The following ADAM22 variants were observed in gnomAD, a reference collection of about 807,000 sequenced individuals.
The protein encoded by ADAM22 is ADAM metallopeptidase domain 22, also known as disintegrin and metalloproteinase domain-containing protein 22.
ADAM22 carries 65 observed loss-of-function variants against 144.6 expected under a neutral mutation model. That is an observed-to-expected ratio of 0.45 (90% CI 0.37 to 0.55). The LOEUF (loss-of-function observed/expected upper bound fraction) is 0.55, where lower values mean the gene tolerates loss of function less well. Among genes scored for constraint, ADAM22 ranks in the 20% least tolerant of loss-of-function variants. The probability of loss-of-function intolerance (pLI) is 0.00; values close to 1 mark genes in which losing one functional copy is unlikely to be tolerated. For synonymous variants in ADAM22, 391 were observed against 412.6 expected, an observed-to-expected ratio of 0.95 and a Z score of 0.63; for missense variants, 974 against 1,184.9, an observed-to-expected ratio of 0.82 and a Z score of 2.61.
chr7:88,148,065 A>G (rs1837081901), intron 17 of ADAM22, among the ~76,000 whole-genome samples: 1 of 152,148 alleles, frequency 6.6e-6, no homozygotes, highest in Non-Finnish European at 1.5e-5. Flanking sequence ...TGAAATCCAG[A>G]TTGGAGTTTA....
intron 8 of ADAM22, among the ~76,000 whole-genome samples, chr7:88,127,234 A>G (rs1248260048): frequency 6.6e-6 from 1 of 151,976 alleles, no homozygotes; most frequent in African/African-American, 2.4e-5. Flanking sequence ...TTCTTTTGAC[A>G]TGTACCCTGA....
chr7:87,953,343 G>C (rs4728715), intron 2 of ADAM22, among the ~76,000 whole-genome samples: 83,508 of 151,564 alleles, frequency 0.55, 23,406 homozygotes, highest in African/African-American at 0.61. Context: ...TATGTTGGGT[G>C]TTTGTTCTCG....
chr7:88,055,517 G>A (rs924024867), intron 3 of ADAM22, among the ~76,000 whole-genome samples: 1 of 152,026 alleles, frequency 6.6e-6, no homozygotes, highest in Non-Finnish European at 1.5e-5. Flanking sequence ...GAACGATCTC[G>A]GTCTGTAGAG....
chr7:88,118,383 T>C (rs1053952573), intron 7 of ADAM22, among the ~76,000 whole-genome samples: 2 of 152,170 alleles, frequency 1.3e-5, no homozygotes, highest in Non-Finnish European at 2.9e-5. Context: ...GAATTTACTA[T>C]TTTGAAAAAT....
At chr7:88,105,049 ATTAT>A (rs1823989846) in intron 4 of ADAM22, among the ~76,000 whole-genome samples, 3 of 152,118 alleles carry the variant, frequency 2.0e-5, no homozygotes, top group Non-Finnish European at 4.4e-5. Context: ...TAAAAAATGA[ATTAT>A]TTGTCCTTTT....
intron 5 of ADAM22, 76 bp from the exon 6 acceptor site, chr7:88,114,508 G>A: frequency 7.0e-7 from 1 of 1,421,728 alleles, no homozygotes; most frequent in Non-Finnish European, 9.9e-7. Flanking sequence ...CCCTCTGGCT[G>A]CTGCTGATTT....
At chr7:88,066,577 A>G (rs1811305488) in intron 3 of ADAM22, among the ~76,000 whole-genome samples, 1 of 152,184 alleles carries the variant, frequency 6.6e-6, no homozygotes, top group South Asian at 2.1e-4. Flanking sequence ...ACATCAGCAT[A>G]TAATTGAGTA....
At chr7:87,981,867 G>A (rs1217260203) in intron 3 of ADAM22, among the ~76,000 whole-genome samples, 1 of 97,360 alleles carries the variant, frequency 1.0e-5, no homozygotes, top group Non-Finnish European at 2.1e-5. Flanking sequence ...ATGATGTTAT[G>A]TGATAATAAT....
At chr7:88,131,196 T>G in intron 10 of ADAM22, 73 bp from the exon 11 acceptor site, 1 of 1,322,336 alleles carries the variant, frequency 7.6e-7, no homozygotes, top group Non-Finnish European at 1.0e-6. Flanking sequence ...GAAAGGAGTT[T>G]TGTAGTCCTG....
intron 26 of ADAM22, among the ~76,000 whole-genome samples, chr7:88,173,189 G>A (rs1844773856): frequency 6.6e-6 from 1 of 151,958 alleles, no homozygotes. Flanking sequence ...AACTCAATAT[G>A]TAGAGAGATA....
chr7:88,018,861 T>A (rs1297723553), intron 3 of ADAM22, among the ~76,000 whole-genome samples: 1 of 152,230 alleles, frequency 6.6e-6, no homozygotes, highest in Admixed American at 6.5e-5. Context: ...CATACTTAAT[T>A]TCTGAGAAAT....
At chr7:88,051,179 G>T (rs1273487478) in intron 3 of ADAM22, among the ~76,000 whole-genome samples, 32 of 152,136 alleles carry the variant, frequency 2.1e-4, no homozygotes, top group Admixed American at 2.1e-3. Context: ...AATACCATTT[G>T]ACCCAGCCAT....
intron 2 of ADAM22, among the ~76,000 whole-genome samples, chr7:87,957,302 G>A (rs1847012063): frequency 6.6e-6 from 1 of 152,178 alleles, no homozygotes. Context: ...AATTGACCAT[G>A]TGAGGGTGCT....
intron 3 of ADAM22, among the ~76,000 whole-genome samples, chr7:88,046,850 C>T (rs539984714): frequency 2.0e-5 from 3 of 151,876 alleles, no homozygotes; most frequent in African/African-American, 7.3e-5. Context: ...TTGAATAGTT[C>T]TTTAATGTGC....
intron 5 of ADAM22, among the ~76,000 whole-genome samples, chr7:88,113,717 T>TATATATATATATATATATATAA (rs1826892688): frequency 1.8e-5 from 2 of 112,592 alleles, no homozygotes; most frequent in Non-Finnish European, 3.6e-5. Context: ...TATATATATA[T>TATATATATATATATATATATAA]ATATATATAT....
chr7:88,173,388 C>CT (rs1364374176), intron 26 of ADAM22, among the ~76,000 whole-genome samples: 2 of 151,702 alleles, frequency 1.3e-5, no homozygotes, highest in African/African-American at 2.4e-5. Flanking sequence ...TCAACACAAC[C>CT]TTTTTTTTGT....
At chr7:87,960,878 A>G (rs989386377) in intron 2 of ADAM22, among the ~76,000 whole-genome samples, 1 of 152,192 alleles carries the variant, frequency 6.6e-6, no homozygotes, top group African/African-American at 2.4e-5. Flanking sequence ...ACTCACTCCA[A>G]AAACATTTAT....
intron 4 of ADAM22, among the ~76,000 whole-genome samples, chr7:88,096,897 C>T (rs1468495499): frequency 6.6e-6 from 1 of 152,124 alleles, no homozygotes; most frequent in Admixed American, 6.5e-5. Flanking sequence ...TCATGCTTAG[C>T]ATCACTTTTC....
At chr7:88,033,013 GTAGT>G (rs529409083) in intron 3 of ADAM22, among the ~76,000 whole-genome samples, 95 of 152,298 alleles carry the variant, frequency 6.2e-4, no homozygotes, top group African/African-American at 2.2e-3. Flanking sequence ...CCATTCTCAG[GTAGT>G]TCTTTATAGC....
Sources: allele counts gnomAD v4.1 joint callset (sites outside exome capture counted in the v4.1 genomes callset), GRCh38; gene constraint gnomAD v4.1.1; transcripts MANE v1.5; gene names NCBI Gene and HGNC (gene_info 2026-07-23, HGNC 2026-07-21).